GLIPR1L2: variants seen among roughly 807,000 people sequenced by gnomAD.
GLIPR1L2 encodes GLIPR1-like protein 2.
A neutral mutation model predicts 28.4 loss-of-function variants in GLIPR1L2; 21 were observed. The ratio of observed to expected loss-of-function variants is 0.74; its 90% CI spans 0.52 to 1.06. The LOEUF (loss-of-function observed/expected upper bound fraction) is 1.06. GLIPR1L2 is among the 50% of genes least tolerant of loss of function. The probability of loss-of-function intolerance (pLI) is 0.00; values close to 1 mark genes in which losing one functional copy is unlikely to be tolerated. For missense variants in GLIPR1L2, 476 were observed against 416.9 expected (o/e 1.14, Z -1.23); for synonymous variants, 145 against 139.3 (o/e 1.04, Z -0.29).
chr12:75,406,245 A>T (rs570214282), intron 1 of GLIPR1L2, among the ~76,000 whole-genome samples: 1 of 152,200 alleles, frequency 6.6e-6, no homozygotes, highest in South Asian at 2.1e-4. Context: ...GCTGTCTAAG[A>T]TCTTATTTAG....
At chr12:75,420,295 G>A (rs1010931793) in intron 3 of GLIPR1L2, among the ~76,000 whole-genome samples, 1 of 152,216 alleles carries the variant, frequency 6.6e-6, no homozygotes, top group Admixed American at 6.5e-5. Context: ...GATGGTGGCA[G>A]ATACGAGTCT....
chr12:75,422,305 CTTTT>C (rs34747987), intron 3 of GLIPR1L2, among the ~76,000 whole-genome samples: 1 of 129,302 alleles, frequency 7.7e-6, no homozygotes, highest in Non-Finnish European at 1.7e-5. Flanking sequence ...CTACATCATT[CTTTT>C]TTTTTTTTTT....
intron 3 of GLIPR1L2, among the ~76,000 whole-genome samples, chr12:75,417,302 A>G (rs992474288): frequency 4.6e-5 from 7 of 152,152 alleles, no homozygotes; most frequent in African/African-American, 1.4e-4. Context: ...TGATGCATCC[A>G]CAAGCCAAGG....
At chr12:75,422,365 C>A (rs1001629648) in intron 3 of GLIPR1L2, among the ~76,000 whole-genome samples, 5 of 151,126 alleles carry the variant, frequency 3.3e-5, no homozygotes, top group Admixed American at 6.6e-5. Context: ...GTGCAGTGGC[C>A]CATCTCAGCT....
chr12:75,409,934 A>C lies in GLIPR1L2; in HGVS notation c.235-500A>C, dbSNP rs530852801. Among the ~76,000 whole-genome samples the C allele has an allele frequency of 1.2e-3, 184 of 150,000 alleles. 1 individual carries two copies. The highest frequency in any genetic ancestry group is 4.1e-3 in the African/African-American group (169 of 41,208). On this transcript the variant is annotated intron_variant, in intron 1 of 5. Transcript: ENST00000550916. ...ATCTAATCCAATATATATAAGATGT[A>C]TATCTAATCAGATATATAAAAATAT...
At chr12:75,417,837 C>T (rs1239654660) in intron 3 of GLIPR1L2, among the ~76,000 whole-genome samples, 1 of 151,730 alleles carries the variant, frequency 6.6e-6, no homozygotes, top group Non-Finnish European at 1.5e-5. Context: ...AAGATAAAAA[C>T]TCACACATTT....
rs1193534950 is a variant in GLIPR1L2 at position 75,431,036 on chromosome 12, G to T, written c.910G>T (p.Glu304Ter). 6.6e-7 allele frequency: 1 copy of T among 1,513,590 alleles called. No individual in the cohort carries two copies. The highest frequency in any genetic ancestry group is 8.9e-7 in the Non-Finnish European group (1 of 1,126,674). 93.8% of individuals were successfully genotyped at this position (1,513,590 alleles called of 1,614,324 possible). A position where few individuals can be genotyped will look rare whatever the true frequency, so the allele number is the denominator to read the frequency against. The change falls in exon 6 of 6, where the codon GAG becomes TAG. Residue 304 changes from glutamate to a stop codon, truncating the protein, a stop_gained. Coordinates refer to ENST00000550916, the MANE Select transcript of GLIPR1L2 (RefSeq NM_001270396.2). LOFTEE classifies it low-confidence loss of function (END_TRUNC). ...AGCAGGGAATGAAGAGGAGGAAAAA[G>T]AGGAAGAGAAGAAAGAGAAAGAGGA... Reference protein sequence around the residue: ...SEAGNEEEEKEEEKKEKEEME... With the variant: ...SEAGNEEEEK
At chr12:75,402,868 G>A in intron 1 of GLIPR1L2, 1 of 400,364 alleles carries the variant, frequency 2.5e-6, no homozygotes, top group East Asian at 7.1e-5. Flanking sequence ...TCTGTTCCAT[G>A]GGTATAAATC....
Position 75,410,614 on chromosome 12 carries a change from G to A in GLIPR1L2, c.415G>A (p.Ala139Thr). Residue 139 changes from alanine to threonine, a missense_variant, in exon 2 of 6, where the codon GCA becomes ACA. Ala to Thr is a moderately conservative substitution (Grantham distance 58). Coordinates refer to ENST00000550916, the MANE Select transcript of GLIPR1L2 (RefSeq NM_001270396.2). ...AAGTATTGCTATCAGAAGTTGGCATGCAGAGAAGAAAATGTACAATTTTGA... is the reference window on the plus strand; with the variant it reads ...AAGTATTGCTATCAGAAGTTGGCATACAGAGAAGAAAATGTACAATTTTGA... ...TASIAIRSWHAEKKMYNFENG... is the reference protein window; with the variant it reads ...TASIAIRSWHTEKKMYNFENG... The A allele has an allele frequency of 6.2e-7, 1 of 1,611,944 alleles. No homozygotes were observed.
At chr12:75,413,491 A>G (rs555634895) in intron 2 of GLIPR1L2, 107 bp from the exon 3 acceptor site, 101 of 653,330 alleles carry the variant, frequency 1.5e-4, no homozygotes, top group Admixed American at 3.2e-4. Flanking sequence ...ATATTTCTTG[A>G]ATTGCTTGGT....
chr12:75,416,344 C>G (rs937408749), intron 3 of GLIPR1L2, among the ~76,000 whole-genome samples: 9 of 152,190 alleles, frequency 5.9e-5, no homozygotes, highest in African/African-American at 2.2e-4. Context: ...GTAGACGAAG[C>G]TTCTGGTATA....
chr12:75,392,039 G>A (rs919991208), intron 1 of GLIPR1L2, among the ~76,000 whole-genome samples: 1 of 152,024 alleles, frequency 6.6e-6, no homozygotes, highest in Non-Finnish European at 1.5e-5. Context: ...TTCCCTGGTT[G>A]CTATTGAGTT....
chr12:75,405,258 T>A (rs1594008399), intron 1 of GLIPR1L2, among the ~76,000 whole-genome samples: 1 of 152,238 alleles, frequency 6.6e-6, no homozygotes, highest in East Asian at 1.9e-4. Context: ...ACAATATATG[T>A]GGCAGACTGC....
intron 1 of GLIPR1L2, among the ~76,000 whole-genome samples, chr12:75,397,988 C>T (rs2045698424): frequency 6.6e-6 from 1 of 150,942 alleles, no homozygotes; most frequent in Admixed American, 6.6e-5. Context: ...TTTCTGGCAC[C>T]TGAGTATTAC....
intron 3 of GLIPR1L2, among the ~76,000 whole-genome samples, chr12:75,417,783 T>TATTACATAACA (rs2045937485): frequency 1.3e-5 from 2 of 151,644 alleles, no homozygotes; most frequent in Non-Finnish European, 2.9e-5. Context: ...AAACTGAAAC[T>TATTACATAACA]ATATTACATA....
At chr12:75,418,005 T>G (rs1194993386) in intron 3 of GLIPR1L2, among the ~76,000 whole-genome samples, 3 of 152,070 alleles carry the variant, frequency 2.0e-5, no homozygotes, top group African/African-American at 7.2e-5. Context: ...GGAGGGAAAA[T>G]AACTTTTATT....
At chr12:75,404,287 A>C (rs1368797874) in intron 1 of GLIPR1L2, among the ~76,000 whole-genome samples, 1 of 152,100 alleles carries the variant, frequency 6.6e-6, no homozygotes, top group Admixed American at 6.6e-5. Flanking sequence ...TAATTTATAA[A>C]ATCTCTTAAA....
intron 3 of GLIPR1L2, among the ~76,000 whole-genome samples, chr12:75,420,138 C>T (rs1409762822): frequency 3.3e-5 from 5 of 152,104 alleles, no homozygotes; most frequent in African/African-American, 7.2e-5. Flanking sequence ...ATGGAAAAAT[C>T]GACATCTGTT....
intron 1 of GLIPR1L2, among the ~76,000 whole-genome samples, chr12:75,391,920 G>A (rs923385038): frequency 6.7e-6 from 1 of 150,374 alleles, no homozygotes; most frequent in African/African-American, 2.5e-5. Context: ...TCCTAAGGAA[G>A]TGTCTCAGTT....
Sources: gnomAD v4.1 joint callset for allele counts (sites outside exome capture counted in the v4.1 genomes callset) on GRCh38, gnomAD v4.1.1 for gene constraint, MANE v1.5 for transcripts, NCBI Gene and HGNC (gene_info 2026-07-23, HGNC 2026-07-21) for gene names.